The following FTO variants were observed in gnomAD, a reference collection of about 807,000 sequenced individuals.
FTO encodes alpha-ketoglutarate-dependent dioxygenase FTO.
Under a neutral mutation model 63.9 loss-of-function variants are expected in FTO, and 47 were observed. The observed-to-expected ratio is 0.74, with a 90% CI of 0.58 to 0.94. FTO has a LOEUF of 0.94. Ranked by LOEUF, FTO falls within the 40% of genes least tolerant of loss-of-function variation. The pLI is 0.00. For missense variants in FTO, 562 were observed against 618.1 expected (o/e 0.91, Z 0.96); for synonymous variants, 207 against 224.4 (o/e 0.92, Z 0.69).
intron 4 of FTO, among the ~76,000 whole-genome samples, chr16:53,858,742 C>A (rs2080082759): frequency 1.3e-5 from 2 of 151,738 alleles, no homozygotes; most frequent in African/African-American, 4.8e-5. Context: ...CTCACTGCAA[C>A]CTCCGCCTCC....
At chr16:53,706,241 C>T (rs569781027) in intron 1 of FTO, among the ~76,000 whole-genome samples, 2 of 152,192 alleles carry the variant, frequency 1.3e-5, no homozygotes, top group Admixed American at 1.3e-4. Context: ...GTAAAGTGTC[C>T]AATGGCTCAT....
chr16:53,918,521 C>T (rs1347764369), intron 7 of FTO, among the ~76,000 whole-genome samples: 1 of 152,060 alleles, frequency 6.6e-6, no homozygotes, highest in Non-Finnish European at 1.5e-5. Context: ...CTCTATTTAG[C>T]GAATCAGTAT....
chr16:54,059,889 A>G (rs1599294692), intron 8 of FTO, among the ~76,000 whole-genome samples: 1 of 143,724 alleles, frequency 7.0e-6, no homozygotes, highest in Admixed American at 6.7e-5. Flanking sequence ...TAAAACTATA[A>G]TTAGTTTTTT....
At chr16:53,821,221 A>G (rs909030158) in intron 2 of FTO, among the ~76,000 whole-genome samples, 4 of 152,300 alleles carry the variant, frequency 2.6e-5, no homozygotes, top group South Asian at 4.1e-4. Context: ...GAGTGTGTTC[A>G]GAAACAGAGT....
intron 8 of FTO, among the ~76,000 whole-genome samples, chr16:53,948,556 A>C (rs1219309785): frequency 6.6e-6 from 1 of 152,214 alleles, no homozygotes. Context: ...GGACATTCAC[A>C]CTTTGTCTCA....
chr16:54,024,080 T>C (rs1221982078), intron 8 of FTO, among the ~76,000 whole-genome samples: 3 of 151,886 alleles, frequency 2.0e-5, no homozygotes, highest in Non-Finnish European at 4.4e-5. Flanking sequence ...TTAGGAATAA[T>C]GCTGCAATAA....
chr16:53,935,176 C>G (rs4784333), intron 8 of FTO, among the ~76,000 whole-genome samples: 58,590 of 151,980 alleles, frequency 0.39, 12,212 homozygotes, highest in African/African-American at 0.54. Flanking sequence ...AATCAGGAAG[C>G]GTATGGCATA....
At chr16:53,783,121 A>G (rs998965579) in intron 1 of FTO, among the ~76,000 whole-genome samples, 3 of 152,244 alleles carry the variant, frequency 2.0e-5, no homozygotes, top group Non-Finnish European at 4.4e-5. Context: ...AAGGAGTTAC[A>G]GTCTAAATAC....
intron 4 of FTO, among the ~76,000 whole-genome samples, chr16:53,871,042 T>C (rs576943635): frequency 6.6e-6 from 1 of 152,310 alleles, no homozygotes; most frequent in Admixed American, 6.5e-5. Context: ...CTAATCTTTG[T>C]CCCTCTGTAT....
chr16:54,035,144 G>A (rs973658168), intron 8 of FTO, among the ~76,000 whole-genome samples: 44 of 152,204 alleles, frequency 2.9e-4, no homozygotes, highest in African/African-American at 1.1e-3. Flanking sequence ...AGTTGAACAG[G>A]ATCTGATTTG....
At chr16:53,865,094 T>C (rs1256284986) in intron 4 of FTO, among the ~76,000 whole-genome samples, 1 of 152,178 alleles carries the variant, frequency 6.6e-6, no homozygotes, top group African/African-American at 2.4e-5. Flanking sequence ...CCCCTAATTA[T>C]GACTGTGGGT....
chr16:53,979,398 A>G (rs2083493344), intron 8 of FTO: 3 of 398,478 alleles, frequency 7.5e-6, no homozygotes, highest in Non-Finnish European at 1.3e-5. Context: ...CAGATTCATC[A>G]AGAGAGAATG....
At chr16:53,958,065 AT>A (rs1316386798) in intron 8 of FTO, among the ~76,000 whole-genome samples, 1 of 152,200 alleles carries the variant, frequency 6.6e-6, no homozygotes, top group African/African-American at 2.4e-5. Flanking sequence ...AACAGGTCAC[AT>A]TTACTATTTG....
intron 8 of FTO, among the ~76,000 whole-genome samples, chr16:54,100,502 G>A (rs1230781031): frequency 3.3e-5 from 5 of 151,956 alleles, no homozygotes; most frequent in African/African-American, 9.7e-5. Context: ...GCAGCTGCCC[G>A]CCATCATGGC....
At chr16:54,031,884 A>G (rs1335622321) in intron 8 of FTO, among the ~76,000 whole-genome samples, 2 of 152,224 alleles carry the variant, frequency 1.3e-5, no homozygotes, top group Admixed American at 1.3e-4. Flanking sequence ...AGACATGGGC[A>G]GACAGATGGA....
At chr16:53,745,867 T>A (rs1217675078) in intron 1 of FTO, among the ~76,000 whole-genome samples, 1 of 152,212 alleles carries the variant, frequency 6.6e-6, no homozygotes, top group Non-Finnish European at 1.5e-5. Context: ...TCATTTCTGT[T>A]GCTCTGAAGT....
chr16:53,791,755 G>A (rs891904696), intron 1 of FTO, among the ~76,000 whole-genome samples: 4 of 152,144 alleles, frequency 2.6e-5, no homozygotes, highest in African/African-American at 4.8e-5. Context: ...TTTATGCAAC[G>A]TTTCAATCAA....
intron 8 of FTO, among the ~76,000 whole-genome samples, chr16:54,076,849 G>A (rs2086006152): frequency 6.6e-6 from 1 of 152,148 alleles, no homozygotes; most frequent in South Asian, 2.1e-4. Flanking sequence ...GGATGCTTAG[G>A]ATTTTGAATT....
At chr16:53,833,328 T>C (rs2079194541) in intron 3 of FTO, among the ~76,000 whole-genome samples, 1 of 152,216 alleles carries the variant, frequency 6.6e-6, no homozygotes, top group South Asian at 2.1e-4. Context: ...CTATTTTACT[T>C]AACATAGTGT....
Sources: gnomAD v4.1 joint callset for allele counts (sites outside exome capture counted in the v4.1 genomes callset) on GRCh38, gnomAD v4.1.1 for gene constraint, MANE v1.5 for transcripts, NCBI Gene and HGNC (gene_info 2026-07-23, HGNC 2026-07-21) for gene names.